The following LHFPL1 variants were observed in gnomAD, a reference collection of about 807,000 sequenced individuals.
The protein encoded by LHFPL1 is LHFPL tetraspan subfamily member 1.
Under a neutral mutation model 12.1 loss-of-function variants are expected in LHFPL1, and 4 were observed. The ratio of observed to expected loss-of-function variants is 0.33; its 90% CI spans 0.16 to 0.76. LHFPL1 has a LOEUF of 0.76. LHFPL1 is among the 30% of genes least tolerant of loss of function. The probability of loss-of-function intolerance (pLI) is 0.61; values close to 1 mark genes in which losing one functional copy is unlikely to be tolerated. For synonymous variants in LHFPL1, 52 were observed against 61.9 expected (o/e 0.84, Z 0.75); for missense variants, 141 against 174.1 (o/e 0.81, Z 1.07).
intron 3 of LHFPL1, among the ~76,000 whole-genome samples, chrX:112,639,333 A>AACAACCCAC (rs1178088460): frequency 9.0e-6 from 1 of 111,514 alleles, no homozygotes; most frequent in Non-Finnish European, 1.9e-5. Flanking sequence ...AAGAATAAAA[A>AACAACCCAC]ACAACCCACT....
chrX:112,673,722 T>C (rs1642047123), intron 1 of LHFPL1, among the ~76,000 whole-genome samples: 1 of 111,840 alleles, frequency 8.9e-6, no homozygotes, highest in African/African-American at 3.3e-5. Flanking sequence ...GGGTACACAG[T>C]GATTCAACGG....
Position 112,671,042 on chromosome X carries a change from C to T in LHFPL1, c.349G>A (p.Gly117Arg). 1.7e-6 allele frequency: 2 copies of T among 1,211,586 alleles called. No individual in the cohort carries two copies. Among genetic ancestry groups the T allele is most frequent in the Middle Eastern group, 2.3e-4 (1 of 4,351 alleles). ...AACTGCGCTGCTCCCATGCAACGTC[C>T]CATCATTCTGGAGATGAGCTCCTCC... is the stretch of plus-strand genomic sequence containing the variant. ...CMEELISRMM[G>R]RCMGAAQFVG... is the part of the protein sequence containing the mutation. Residue 117 changes from glycine (G) to arginine (R), a missense_variant, in exon 2 of 4, where the codon GGA becomes AGA. Gly to Arg is a moderately radical substitution (Grantham distance 125, BLOSUM62 -2). Transcript: ENST00000371968.
At chrX:112,664,389 C>T (rs1183277511) in intron 2 of LHFPL1, among the ~76,000 whole-genome samples, 1 of 112,270 alleles carries the variant, frequency 8.9e-6, no homozygotes, top group African/African-American at 3.2e-5. Flanking sequence ...TCTTCCTCAT[C>T]TCTTTAACCT....
chrX:112,674,504 C>A (rs894666007), intron 1 of LHFPL1, among the ~76,000 whole-genome samples: 21 of 110,501 alleles, frequency 1.9e-4, no homozygotes, highest in Non-Finnish European at 1.1e-4. Context: ...AGTAAGCAGA[C>A]AACCCACAGA....
intron 3 of LHFPL1, among the ~76,000 whole-genome samples, chrX:112,656,520 A>G (rs752773396): frequency 1.8e-5 from 2 of 111,952 alleles, no homozygotes; most frequent in Non-Finnish European, 3.8e-5. Context: ...TGCAAGGGCA[A>G]TTAGGCAAGG....
chrX:112,657,020 G>C (rs1208706653), intron 3 of LHFPL1, among the ~76,000 whole-genome samples: 1 of 112,094 alleles, frequency 8.9e-6, no homozygotes, highest in African/African-American at 3.2e-5. Context: ...AAAATTAGAA[G>C]TACAGTTTCT....
At chrX:112,677,414 G>A (rs775092925) in intron 1 of LHFPL1, among the ~76,000 whole-genome samples, 1 of 111,213 alleles carries the variant, frequency 9.0e-6, no homozygotes, top group Non-Finnish European at 1.9e-5. Flanking sequence ...GCAAAGGAAC[G>A]TGAACAGGCC....
intron 1 of LHFPL1, among the ~76,000 whole-genome samples, chrX:112,679,206 C>T (rs1044342685): frequency 1.8e-5 from 2 of 111,459 alleles, no homozygotes; most frequent in African/African-American, 6.5e-5. Flanking sequence ...CAAAATGAAA[C>T]CACTTGGCCA....
chrX:112,672,870 T>C (rs1220679787), intron 1 of LHFPL1, among the ~76,000 whole-genome samples: 1 of 112,306 alleles, frequency 8.9e-6, no homozygotes, highest in African/African-American at 3.2e-5. Context: ...TAATGAATCA[T>C]TTAATCCAAC....
At chrX:112,659,233 C>A (rs1029873039) in intron 3 of LHFPL1, among the ~76,000 whole-genome samples, 1 of 111,204 alleles carries the variant, frequency 9.0e-6, no homozygotes, top group East Asian at 2.8e-4. Flanking sequence ...CAAAGGTAGG[C>A]GGATCACCTG....
At chrX:112,677,805 ATG>A (rs1381720480) in intron 1 of LHFPL1, among the ~76,000 whole-genome samples, 1 of 111,225 alleles carries the variant, frequency 9.0e-6, no homozygotes, top group Non-Finnish European at 1.9e-5. Flanking sequence ...TCATCTCATG[ATG>A]TACTCACTCA....
chrX:112,661,314 C>G (rs1013789006), intron 2 of LHFPL1, among the ~76,000 whole-genome samples: 1 of 110,962 alleles, frequency 9.0e-6, no homozygotes, highest in African/African-American at 3.3e-5. Context: ...GATGAAGGCC[C>G]TTTTATTTAG....
At chrX:112,641,583 C>T (rs754388347) in intron 3 of LHFPL1, among the ~76,000 whole-genome samples, 1 of 112,074 alleles carries the variant, frequency 8.9e-6, no homozygotes, top group South Asian at 3.7e-4. Flanking sequence ...GAAGTGATAC[C>T]ACCTATCTCA....
intron 3 of LHFPL1, among the ~76,000 whole-genome samples, chrX:112,647,424 C>T (rs1375090807): frequency 1.8e-5 from 2 of 110,693 alleles, no homozygotes; most frequent in African/African-American, 6.6e-5. Context: ...GCAATCTATC[C>T]ATCTGACAAA....
At chrX:112,677,058 C>G (rs1044250564) in intron 1 of LHFPL1, among the ~76,000 whole-genome samples, 3 of 111,583 alleles carry the variant, frequency 2.7e-5, no homozygotes, top group Non-Finnish European at 5.6e-5. Flanking sequence ...AATGTATGGG[C>G]ACTTACAATG....
intron 3 of LHFPL1, among the ~76,000 whole-genome samples, chrX:112,653,711 T>C (rs1469369681): frequency 1.8e-5 from 2 of 111,785 alleles, no homozygotes; most frequent in African/African-American, 6.5e-5. Context: ...GGGCTTTGAC[T>C]CCAAGTTAAA....
At chrX:112,657,646 CT>C (rs1250805237) in intron 3 of LHFPL1, among the ~76,000 whole-genome samples, 1 of 111,457 alleles carries the variant, frequency 9.0e-6, no homozygotes, top group East Asian at 2.8e-4. Flanking sequence ...GGACAATTGA[CT>C]TTTCAACAAG....
At chrX:112,631,850 C>A (rs1386153407) in intron 3 of LHFPL1, among the ~76,000 whole-genome samples, 1 of 111,275 alleles carries the variant, frequency 9.0e-6, no homozygotes, top group Non-Finnish European at 1.9e-5. Context: ...AGAGTAGGAG[C>A]CTGGGGGTGG....
intron 3 of LHFPL1, among the ~76,000 whole-genome samples, chrX:112,654,807 TGACA>T (rs745482102): frequency 8.9e-6 from 1 of 111,849 alleles, no homozygotes; most frequent in East Asian, 2.8e-4. Flanking sequence ...CATTGTTGTA[TGACA>T]GACTACCTCA....
Sources: gnomAD v4.1 joint callset for allele counts (sites outside exome capture counted in the v4.1 genomes callset) on GRCh38, gnomAD v4.1.1 for gene constraint, MANE v1.5 for transcripts, NCBI Gene and HGNC (gene_info 2026-07-23, HGNC 2026-07-21) for gene names.